The following SND1 variants were observed in gnomAD, a reference collection of about 807,000 sequenced individuals.
SND1 encodes staphylococcal nuclease and tudor domain containing 1, also known as staphylococcal nuclease domain-containing protein 1.
SND1 carries 38 observed loss-of-function variants against 121.7 expected under a neutral mutation model. The observed-to-expected ratio is 0.31, with a 90% CI of 0.24 to 0.41. SND1 has a LOEUF of 0.41. Among genes scored for constraint, SND1 ranks in the 10% least tolerant of loss-of-function variants. The pLI is 1.00. For synonymous variants in SND1, 401 were observed against 447.4 expected, an observed-to-expected ratio of 0.90 and a Z score of 1.31; for missense variants, 868 against 1,184.6, an observed-to-expected ratio of 0.73 and a Z score of 3.92.
chr7:127,898,437 T>C (rs1005957981), intron 13 of SND1, among the ~76,000 whole-genome samples: 1 of 152,144 alleles, frequency 6.6e-6, no homozygotes, highest in Non-Finnish European at 1.5e-5. Context: ...CTGCTCCTGC[T>C]CTGTATCTTA....
chr7:127,991,675 T>C (rs1176545133), intron 16 of SND1, among the ~76,000 whole-genome samples: 12 of 152,168 alleles, frequency 7.9e-5, no homozygotes. Flanking sequence ...TGTGCTTGGC[T>C]CAGCCTTAGG....
chr7:127,708,853 C>G (rs1796250927), intron 9 of SND1, among the ~76,000 whole-genome samples: 2 of 152,188 alleles, frequency 1.3e-5, no homozygotes, highest in Admixed American at 1.3e-4. Context: ...GTGCCAAATT[C>G]TTGGACTGAG....
chr7:127,727,685 C>G (rs1796605718), intron 10 of SND1, among the ~76,000 whole-genome samples: 1 of 152,126 alleles, frequency 6.6e-6, no homozygotes, highest in Non-Finnish European at 1.5e-5. Flanking sequence ...TTTCACCAGT[C>G]TCCAATGGAG....
chr7:128,017,634 A>G (rs1409193809), intron 16 of SND1, among the ~76,000 whole-genome samples: 1 of 152,150 alleles, frequency 6.6e-6, no homozygotes, highest in Non-Finnish European at 1.5e-5. Flanking sequence ...ATCTCAAGTC[A>G]TTTCACACCA....
chr7:127,963,040 G>A (rs1239288862), intron 15 of SND1, among the ~76,000 whole-genome samples: 1 of 152,130 alleles, frequency 6.6e-6, no homozygotes, highest in African/African-American at 2.4e-5. Flanking sequence ...TGTGATGATC[G>A]CATTCTGTTT....
intron 10 of SND1, among the ~76,000 whole-genome samples, chr7:127,761,441 T>A (rs948269281): frequency 4.6e-5 from 7 of 152,150 alleles, no homozygotes; most frequent in African/African-American, 1.7e-4. Flanking sequence ...CCCCCTCAGT[T>A]AGCTGAGAAA....
intron 16 of SND1, chr7:128,028,363 T>G: frequency 4.1e-6 from 1 of 246,660 alleles, no homozygotes; most frequent in Non-Finnish European, 7.9e-6. Context: ...TGTTTGTTGT[T>G]TTAGTTTATT....
intron 12 of SND1, chr7:127,858,004 G>C (rs539107118): frequency 6.9e-7 from 1 of 1,457,236 alleles, no homozygotes; most frequent in Non-Finnish European, 9.6e-7. Flanking sequence ...GGCATCCCCC[G>C]GGTTCTCCCA....
chr7:127,695,154 C>A (rs1795985419), intron 3 of SND1, among the ~76,000 whole-genome samples: 1 of 152,156 alleles, frequency 6.6e-6, no homozygotes, highest in African/African-American at 2.4e-5. Flanking sequence ...TCCTTGTGTA[C>A]CCCTTTTCCT....
At chr7:128,051,258 A>G (rs1054990548) in intron 16 of SND1, among the ~76,000 whole-genome samples, 3 of 152,228 alleles carry the variant, frequency 2.0e-5, no homozygotes, top group African/African-American at 7.2e-5. Flanking sequence ...GAGGCCCAGG[A>G]AAGACATTTG....
In SND1 at chr7:128,001,026, A is replaced by T. The variant is rs3757761; in HGVS notation, c.1779+9970A>T. Among the ~76,000 whole-genome samples the T allele has an allele frequency of 4.5e-3, 687 of 152,278 alleles. 10 individuals are homozygous for T. The East Asian group carries it at 0.055, about 12-fold the overall frequency. On this transcript the variant is annotated intron_variant, in intron 16 of 23. Transcript: ENST00000354725. ...CCACTCCCTGTGTCTGTTGCCAAGG[A>T]CTTGAAGAGAACCTCCGTGTTCCAA...
In SND1 at chr7:128,041,515, A is replaced by C. The variant is rs528935544; in HGVS notation, c.1780-32987A>C. On this transcript the variant is annotated intron_variant, in intron 16 of 23. Transcript: ENST00000354725. Reference sequence around the variant, plus strand: ...GCTCTTGCTCCACGTTTTTAGAGGCAACTCTGTCTGCAAATGCTTCCAGTG... The same window carrying C: ...GCTCTTGCTCCACGTTTTTAGAGGCCACTCTGTCTGCAAATGCTTCCAGTG... Among the ~76,000 whole-genome samples the C allele has an allele frequency of 2.6e-5, 4 of 152,316 alleles. No individual in the cohort carries two copies. In the East Asian group the frequency reaches 7.7e-4, roughly 29 times the overall value.
In SND1 at chr7:128,085,438, G is replaced by A. The variant is rs1261289129; in HGVS notation, c.2235-273G>A. On this transcript the variant is annotated intron_variant, in intron 19 of 23. Transcript: ENST00000354725. The surrounding 1 kb of genome is among the most constrained non-coding windows in gnomAD (Gnocchi z 4.4). ...GGTTTAAACAGCAGACATCAATCTA[G>A]TCATTAGTCTTGTTGCTTTATGCCC... Among the ~76,000 whole-genome samples, 1 of 152,218 alleles carries A rather than the reference G, an allele frequency of 6.6e-6. No homozygotes were observed. The highest frequency in any genetic ancestry group is 1.5e-5 in the Non-Finnish European group (1 of 68,034).
chr7:127,871,128 AGG>A (rs1563042399), intron 12 of SND1, among the ~76,000 whole-genome samples: 1 of 152,144 alleles, frequency 6.6e-6, no homozygotes, highest in African/African-American at 2.4e-5. Flanking sequence ...GAAGGTTTTC[AGG>A]GGGCAATAAT....
chr7:127,983,150 ATTTTG>A (rs2116904655), intron 15 of SND1, among the ~76,000 whole-genome samples: 2 of 152,230 alleles, frequency 1.3e-5, no homozygotes, highest in South Asian at 4.1e-4. Flanking sequence ...GCTTTTTACA[ATTTTG>A]TTTTGTTTTT....
chr7:127,882,996 C>G (rs1012183659), intron 12 of SND1, among the ~76,000 whole-genome samples: 3 of 152,128 alleles, frequency 2.0e-5, no homozygotes, highest in Admixed American at 6.6e-5. Context: ...AGAATTAGTG[C>G]TAGGACTGAA....
At chr7:127,653,699 C>A (rs571899835) in intron 1 of SND1, among the ~76,000 whole-genome samples, 1 of 152,146 alleles carries the variant, frequency 6.6e-6, no homozygotes, top group Admixed American at 6.5e-5. Context: ...TGTTCTGCAG[C>A]TTATGTGTGT....
chr7:128,069,257 A>C (rs563869871), intron 16 of SND1, among the ~76,000 whole-genome samples: 37 of 152,162 alleles, frequency 2.4e-4, no homozygotes, highest in African/African-American at 8.9e-4. Flanking sequence ...TGATGAGAAG[A>C]CCCTTCTCAT....
In SND1 at chr7:128,068,358, A is replaced by G. The variant is rs1793353343; in HGVS notation, c.1780-6144A>G. 1.3e-5 allele frequency among the ~76,000 whole-genome samples: 2 copies of G among 151,944 alleles called. 1 individual carries two copies. The highest frequency in any genetic ancestry group is 4.1e-4 in the South Asian group (2 of 4,822). On this transcript the variant is annotated intron_variant, in intron 16 of 23. Transcript: ENST00000354725. Reference sequence around the variant, plus strand: ...TGAGAATGTTGACATTTCTAAAGCCATCATCCATTGCCTGGCTTTCACTTC... The same window carrying G: ...TGAGAATGTTGACATTTCTAAAGCCGTCATCCATTGCCTGGCTTTCACTTC...
Sources: gnomAD v4.1 joint callset for allele counts (sites outside exome capture counted in the v4.1 genomes callset) on GRCh38, gnomAD v4.1.1 for gene constraint, Gnocchi (gnomAD v3.1) non-coding constraint, MANE v1.5 for transcripts, NCBI Gene and HGNC (gene_info 2026-07-23, HGNC 2026-07-21) for gene names.